PEG3: variants seen among roughly 807,000 people sequenced by gnomAD.
PEG3 encodes paternally expressed 3, also known as paternally-expressed gene 3 protein.
In PEG3, 23 loss-of-function variants were observed where a neutral mutation model predicts 35.5. The ratio of observed to expected loss-of-function variants is 0.65; its 90% CI spans 0.47 to 0.92. The LOEUF (loss-of-function observed/expected upper bound fraction) is 0.92, where lower values mean the gene tolerates loss of function less well. Among genes scored for constraint, PEG3 ranks in the 40% least tolerant of loss-of-function variants. The pLI, the probability that PEG3 is intolerant of heterozygous loss-of-function variation, is 0.00. For synonymous variants in PEG3, 707 were observed against 697.0 expected (o/e 1.01, Z -0.23); for missense variants, 1,960 against 1,985.3 (o/e 0.99, Z 0.24).
At chr19:56,821,798 T>A in intron 6 of PEG3, 44 bp from the exon 7 acceptor site, 1 of 1,605,234 alleles carries the variant, frequency 6.2e-7, no homozygotes, top group South Asian at 1.1e-5. Context: ...GCCCAGTCCA[T>A]CCTGCAGGTC....
intron 3 of PEG3, 21 bp from the exon 4 acceptor site, chr19:56,824,762 T>C (rs1260702649): frequency 9.3e-7 from 1 of 1,078,344 alleles, no homozygotes; most frequent in Non-Finnish European, 1.3e-6. Flanking sequence ...TAAGGAGATA[T>C]ACACATGTCC....
chr19:56,819,654 CCTTT>C (rs897646981), intron 7 of PEG3, among the ~76,000 whole-genome samples: 3 of 152,152 alleles, frequency 2.0e-5, no homozygotes, highest in African/African-American at 4.8e-5. Flanking sequence ...TCTTTTTGAA[CCTTT>C]CTTTCAGGTT....
intron 2 of PEG3, among the ~76,000 whole-genome samples, chr19:56,832,819 T>C (rs375165404): frequency 2.0e-4 from 30 of 152,198 alleles, no homozygotes; most frequent in African/African-American, 7.2e-4. Context: ...CCTCTCTGTA[T>C]ACAGAACAAG....
intron 6 of PEG3, chr19:56,822,469 GCATAGTCTTT>G: frequency 2.7e-6 from 1 of 370,650 alleles, no homozygotes; most frequent in Non-Finnish European, 4.8e-6. Flanking sequence ...TTTTGCAGTG[GCATAGTCTTT>G]CATACAGAAA....
chr19:56,831,772 T>C (rs1005653672), intron 2 of PEG3, among the ~76,000 whole-genome samples: 1 of 152,252 alleles, frequency 6.6e-6, no homozygotes, highest in Admixed American at 6.5e-5. Flanking sequence ...ACATTCACCA[T>C]AGAAACTGCA....
chr19:56,823,707 TATCTCTGGCCC>T, intron 4 of PEG3, 28 bp from the exon 5 acceptor site: 1 of 1,612,992 alleles, frequency 6.2e-7, no homozygotes, highest in Non-Finnish European at 8.5e-7. Context: ...GCCAAGTTAC[TATCTCTGGCCC>T]ACATTCTCAC....
At chr19:56,824,131 ACAGGACATCCCCACCGCTGCC>A in intron 4 of PEG3, 110 bp downstream of exon 4, 1 of 1,433,560 alleles carries the variant, frequency 7.0e-7, no homozygotes, top group Non-Finnish European at 9.3e-7. Flanking sequence ...CCCACAGTAC[ACAGGACATCCCCACCGCTGCC>A]CAGGACAGAG....
rs1035923243 is a variant in PEG3, at chr19:56,811,426, T to C, written c.*2249A>G. 1 of 911,498 alleles carries C rather than the reference T, an allele frequency of 1.1e-6. No homozygotes were observed. The highest frequency in any genetic ancestry group is 1.3e-6 in the Non-Finnish European group (1 of 762,660). The allele number at this position is 911,498 out of a possible 1,614,324, so 56.5% of individuals were successfully genotyped here. On this transcript the variant is annotated 3_prime_UTR_variant, in exon 10 of 10. Transcript: ENST00000326441. ...CTCCACTTAATGTTCTGTAAATATA[T>C]TTCCACGTTGCTACATAACTCGTGA...
At position 56,812,918 on chromosome 19, in the gene PEG3, A is replaced by T; in HGVS notation, c.*757T>A. 1.0e-6 allele frequency: 1 copy of T among 985,816 alleles called. No homozygotes were observed. Among genetic ancestry groups the T allele is most frequent in the Non-Finnish European group, 1.2e-6 (1 of 829,914 alleles). 61.1% of individuals were successfully genotyped at this position (985,816 alleles called of 1,614,324 possible). A position where few individuals can be genotyped will look rare whatever the true frequency, so the allele number is the denominator to read the frequency against. ...GCAACCAATCAATCTGGGTCACAAA[A>T]AGCCAATCCGTATATTGTAAAGCCT... On this transcript the variant is annotated 3_prime_UTR_variant, in exon 10 of 10. Transcript: ENST00000326441.
At chr19:56,840,049 C>T (rs777081591) in intron 1 of PEG3, among the ~76,000 whole-genome samples, 5 of 152,234 alleles carry the variant, frequency 3.3e-5, no homozygotes, top group Non-Finnish European at 7.3e-5. Flanking sequence ...AGAGGGTAGC[C>T]GGGCACGCCG....
rs2059921819 is a variant in PEG3 at position 56,815,749 on chromosome 19, C to T, written c.2693G>A (p.Ser898Asn). The change falls in exon 10 of 10, where the codon AGT becomes AAT. Residue 898 changes from serine to asparagine, a missense_variant. Physicochemically the swap from Ser to Asn is conservative, Grantham distance 46. Transcript: ENST00000326441. ...TTTCTGAGGTTTGGCACGGAATACA[C>T]TCTGTATGACAGAGTCTTCATAGTT... is the stretch of plus-strand genomic sequence containing the variant. ...NRNYEDSVIQ[S>N]VFRAKPQKSV... 6.2e-7 allele frequency: 1 copy of T among 1,614,034 alleles called. No homozygotes were observed. The highest frequency in any genetic ancestry group is 1.3e-5 in the African/African-American group (1 of 74,936).
At position 56,817,169 on chromosome 19, in the gene PEG3, C is replaced by G; in HGVS notation, c.1273G>C (p.Ala425Pro). 1 of 1,614,214 alleles carries G rather than the reference C, an allele frequency of 6.2e-7. No homozygotes were observed. The highest frequency in any genetic ancestry group is 8.5e-7 in the Non-Finnish European group (1 of 1,180,024). ...CTGCTCAGGCTGCTCACGCTCATGG[C>G]TTTTCTCATCTCACTACCACATTCA... ...PFECGSEMRK[A>P]MSVSSLSSLS... The change falls in exon 10 of 10, where the codon GCC (alanine) becomes CCC (proline). Residue 425 changes from alanine (A) to proline (P), a missense_variant. By Grantham distance (27) the Ala-to-Pro change is conservative (BLOSUM62 -1). Around this residue, in one of 5 missense-constraint regions of PEG3, gnomAD observed 613 missense variants for 577.1 expected, o/e 1.06. Coordinates refer to ENST00000326441, the MANE Select transcript of PEG3 (RefSeq NM_006210.3).
Position 56,817,197 on chromosome 19 carries a change from G to A in PEG3, c.1245C>T (p.Pro415=). 1 of 1,614,142 alleles carries A rather than the reference G, an allele frequency of 6.2e-7. No homozygotes were observed. The highest frequency in any genetic ancestry group is 8.5e-7 in the Non-Finnish European group (1 of 1,180,004). Residue 415 remains proline, a synonymous_variant, in exon 10 of 10, where the codon CCC becomes CCT. Coordinates refer to ENST00000326441, the MANE Select transcript of PEG3 (RefSeq NM_006210.3). ...HDQKGCPRKK[P]FECGSEMRKA... ...TTCTCATCTCACTACCACATTCAAA[G>A]GGCTTCTTCCTGGGACAGCCTTTTT...
chr19:56,833,368 C>T (rs1273504188), intron 2 of PEG3: 1 of 356,982 alleles, frequency 2.8e-6, no homozygotes, highest in South Asian at 2.1e-5. Context: ...CCAGGGACAG[C>T]GTGGTGTGTG....
At chr19:56,837,682 T>G (rs998691581) in intron 1 of PEG3, among the ~76,000 whole-genome samples, 1 of 152,150 alleles carries the variant, frequency 6.6e-6, no homozygotes, top group Non-Finnish European at 1.5e-5. Context: ...AAGGCTCCAG[T>G]GCAGGCCCCA....
intron 1 of PEG3, among the ~76,000 whole-genome samples, chr19:56,838,527 C>A (rs1451897047): frequency 1.3e-5 from 2 of 152,202 alleles, no homozygotes; most frequent in Admixed American, 6.5e-5. Context: ...AAGCCGCCCC[C>A]ATACACAAGA....
chr19:56,824,433 A>G lies in PEG3; in HGVS notation c.223T>C (p.Leu75=). The change falls in exon 4 of 10, where the codon TTG becomes CTG. Residue 75 remains leucine (L), a synonymous_variant. Transcript: ENST00000326441. The part of the protein sequence containing the change: ...IKLRNLCLDW[L]QPETRTKEEI... ...TCCTTGGTGCGGGTCTCCGGCTGCA[A>G]CCAATCGAGGCAGAGGTTTCGGAGT... The G allele has an allele frequency of 6.2e-7, 1 of 1,614,170 alleles. No individual in the cohort carries two copies. The highest frequency in any genetic ancestry group is 1.1e-5 in the South Asian group (1 of 91,074).
At chr19:56,834,069 A>G (rs1362334732) in intron 2 of PEG3, among the ~76,000 whole-genome samples, 1 of 152,238 alleles carries the variant, frequency 6.6e-6, no homozygotes, top group Non-Finnish European at 1.5e-5. Context: ...ATGGTTCAAG[A>G]CAAATAAAGC....
chr19:56,840,220 T>C (rs1297175920), intron 1 of PEG3, among the ~76,000 whole-genome samples: 1 of 152,188 alleles, frequency 6.6e-6, no homozygotes, highest in African/African-American at 2.4e-5. Flanking sequence ...CCCCCGGCTG[T>C]CTGCCCTAAT....
Sources: allele counts gnomAD v4.1 joint callset (sites outside exome capture counted in the v4.1 genomes callset), GRCh38; gene constraint gnomAD v4.1.1; regional missense constraint gnomAD v4.1.1; transcripts MANE v1.5; gene names NCBI Gene and HGNC (gene_info 2026-07-23, HGNC 2026-07-21).